Variants in SMPD3 observed in about 807,000 individuals in gnomAD.
SMPD3 encodes the protein sphingomyelin phosphodiesterase 3, also known as nSMase-2.
Under a neutral mutation model 55.7 loss-of-function variants are expected in SMPD3, and 21 were observed. That is an observed-to-expected ratio of 0.38 (90% CI 0.27 to 0.54). The LOEUF is 0.54. Ranked by LOEUF, SMPD3 falls within the 20% of genes least tolerant of loss-of-function variation. The probability of loss-of-function intolerance (pLI) is 0.80; values close to 1 mark genes in which losing one functional copy is unlikely to be tolerated. For missense variants in SMPD3, 842 were observed against 899.6 expected, an observed-to-expected ratio of 0.94 and a Z score of 0.82; for synonymous variants, 457 against 404.3, an observed-to-expected ratio of 1.13 and a Z score of -1.56.
intron 1 of SMPD3, among the ~76,000 whole-genome samples, chr16:68,441,061 T>C (rs574669502): frequency 1.3e-5 from 2 of 152,376 alleles, no homozygotes; most frequent in East Asian, 3.9e-4. Flanking sequence ...GCTTGATTTA[T>C]CTGAAAATTG....
intron 2 of SMPD3, among the ~76,000 whole-genome samples, chr16:68,372,740 C>A (rs1181959359): frequency 6.6e-6 from 1 of 152,194 alleles, no homozygotes; most frequent in Non-Finnish European, 1.5e-5. Context: ...ATGCCTGGGC[C>A]CACCCTGACC....
In SMPD3 at chr16:68,386,648, G is replaced by T. The variant is rs1010443378; in HGVS notation, c.-257C>A. On this transcript the variant is annotated 5_prime_UTR_variant, in exon 2 of 9. Transcript: ENST00000219334. Reference sequence around the variant, plus strand: ...TTGTCCTTCTCTCTGAAGAAGAGCTGTCACCGCAGACCTGAAAGGAGATGA... The same window carrying T: ...TTGTCCTTCTCTCTGAAGAAGAGCTTTCACCGCAGACCTGAAAGGAGATGA... The T allele has an allele frequency of 6.6e-6, 1 of 151,412 alleles. No homozygotes were observed. The highest frequency in any genetic ancestry group is 2.4e-5 in the African/African-American group (1 of 41,172). 9.4% of individuals were successfully genotyped at this position (151,412 alleles called of 1,614,324 possible).
At position 68,364,644 on chromosome 16, in the gene SMPD3, C is replaced by G. The variant is rs992281954; in HGVS notation, c.1555+107G>C. On this transcript the variant is annotated intron_variant, in intron 5 of 8. Coordinates refer to ENST00000219334, the MANE Select transcript of SMPD3 (RefSeq NM_018667.4). ...GCTAAATACCCCGCCCACATGCTCT[C>G]GAGGAGCAGGAATTCTTTGAGCTGC... The G allele has an allele frequency of 1.2e-5, 16 of 1,292,038 alleles. No individual in the cohort carries two copies. In the African/African-American group the frequency reaches 1.9e-4, roughly 16 times the overall value. The allele number at this position is 1,292,038 out of a possible 1,614,324, so 80.0% of individuals were successfully genotyped here.
intron 1 of SMPD3, among the ~76,000 whole-genome samples, chr16:68,410,653 T>C (rs2090292044): frequency 6.6e-6 from 1 of 152,254 alleles, no homozygotes; most frequent in South Asian, 2.1e-4. Flanking sequence ...AGAGTTTGAC[T>C]GAGAGTCATT....
chr16:68,421,657 G>A (rs1459033363), intron 1 of SMPD3, among the ~76,000 whole-genome samples: 1 of 152,196 alleles, frequency 6.6e-6, no homozygotes, highest in Non-Finnish European at 1.5e-5. Context: ...GACTTGGCTA[G>A]GGAATGAGGC....
chr16:68,418,720 C>T (rs1420447094), intron 1 of SMPD3, among the ~76,000 whole-genome samples: 3 of 152,216 alleles, frequency 2.0e-5, no homozygotes, highest in Non-Finnish European at 4.4e-5. Flanking sequence ...ATGCCCATTT[C>T]AAAGGGGAGG....
chr16:68,367,196 G>C (rs1035673674), intron 3 of SMPD3: 1 of 152,194 alleles, frequency 6.6e-6, no homozygotes, highest in Non-Finnish European at 1.5e-5. Flanking sequence ...ACACGGGGGC[G>C]CCGTCTTCAG....
intron 4 of SMPD3, 36 bp from the exon 5 acceptor site, chr16:68,364,942 T>G (rs764394393): frequency 6.2e-7 from 1 of 1,612,874 alleles, no homozygotes; most frequent in East Asian, 2.2e-5. Flanking sequence ...GATGATGAAG[T>G]TCGCCCCAGA....
At chr16:68,366,872 G>A (rs2089494168) in intron 3 of SMPD3, among the ~76,000 whole-genome samples, 1 of 152,184 alleles carries the variant, frequency 6.6e-6, no homozygotes, top group African/African-American at 2.4e-5. Context: ...GCCGGGCGTG[G>A]TGGTATGTGC....
chr16:68,378,400 T>C (rs919698108), intron 2 of SMPD3, among the ~76,000 whole-genome samples: 11 of 152,156 alleles, frequency 7.2e-5, no homozygotes, highest in Non-Finnish European at 7.3e-5. Context: ...TCCACGCTAA[T>C]TCCCGAAAGC....
intron 1 of SMPD3, among the ~76,000 whole-genome samples, chr16:68,396,492 C>G (rs1450605085): frequency 1.3e-5 from 2 of 152,198 alleles, no homozygotes; most frequent in Admixed American, 1.3e-4. Flanking sequence ...TCTGGAACAC[C>G]CTGGTGGTCC....
At position 68,396,545 on chromosome 16, in the gene SMPD3, C is replaced by G. The variant is rs185181017; in HGVS notation, c.-268-9886G>C. Among the ~76,000 whole-genome samples, 249 of 152,318 alleles carry G rather than the reference C, an allele frequency of 1.6e-3. 2 individuals carry two copies. Among genetic ancestry groups the G allele is most frequent in the African/African-American group, 5.7e-3 (236 of 41,574 alleles). On this transcript the variant is annotated intron_variant, in intron 1 of 8. Transcript: ENST00000219334. The stretch of plus-strand genomic sequence containing the variant: ...CAAGGCTCAGCTCTAAAGCTTCCAA[C>G]CCCCTCCCCTCAGTCTCACACCCTG...
Position 68,447,592 on chromosome 16 carries a change from C to T in SMPD3, c.-269+761G>A, listed in dbSNP as rs1351967325. ...GGCCACCCAACCCTCGGCGCGGGCC[C>T]GAGCGCGGGGGATTCCGAGTGTCAG... On this transcript the variant is annotated intron_variant, in intron 1 of 8. Transcript: ENST00000219334. This position sits in a 1 kb window ranked among gnomAD's most constrained non-coding sequence, Gnocchi z 5.1. 2.0e-5 allele frequency among the ~76,000 whole-genome samples: 3 copies of T among 152,060 alleles called. No homozygotes were observed. Among genetic ancestry groups the T allele is most frequent in the East Asian group, 1.9e-4 (1 of 5,160 alleles).
chr16:68,410,827 G>A (rs1046497164), intron 1 of SMPD3, among the ~76,000 whole-genome samples: 1 of 152,226 alleles, frequency 6.6e-6, no homozygotes, highest in Non-Finnish European at 1.5e-5. Flanking sequence ...GTAAAATAAA[G>A]AGTAACAGGA....
At position 68,363,483 on chromosome 16, in the gene SMPD3, G is replaced by A. The variant is rs754597938; in HGVS notation, c.1709+13C>T. ...GGTGTGCCTCGTCCCTGGCCTGGGA[G>A]CGCAGTGCTTACTTCTGCAGGTTGT... On this transcript the variant is annotated intron_variant, in intron 7 of 8. Transcript: ENST00000219334. 4.1e-5 allele frequency: 66 copies of A among 1,613,836 alleles called. No homozygotes were observed. The highest frequency in any genetic ancestry group is 5.2e-5 in the Non-Finnish European group (61 of 1,179,886).
At chr16:68,414,528 A>C (rs2090324945) in intron 1 of SMPD3, among the ~76,000 whole-genome samples, 1 of 152,152 alleles carries the variant, frequency 6.6e-6, no homozygotes, top group Non-Finnish European at 1.5e-5. Flanking sequence ...TGGCAGTCAG[A>C]TTTCCTGGTG....
At position 68,426,405 on chromosome 16, in the gene SMPD3, C is replaced by A. The variant is rs532308386; in HGVS notation, c.-269+21948G>T. ...AGCTGGCTCACCCTGGTCACACTGACAACCAGTTCATGACCATGTCAAGAA... is the reference window on the plus strand; with the variant it reads ...AGCTGGCTCACCCTGGTCACACTGAAAACCAGTTCATGACCATGTCAAGAA... On this transcript the variant is annotated intron_variant, in intron 1 of 8. Coordinates refer to ENST00000219334, the MANE Select transcript of SMPD3 (RefSeq NM_018667.4). 2.6e-5 allele frequency among the ~76,000 whole-genome samples: 4 copies of A among 152,278 alleles called. No individual in the cohort carries two copies. In the South Asian group the frequency reaches 8.3e-4, roughly 32 times the overall value.
chr16:68,413,345 T>C (rs74024646), intron 1 of SMPD3, among the ~76,000 whole-genome samples: 2,061 of 152,320 alleles, frequency 0.014, 46 homozygotes, highest in African/African-American at 0.047. Flanking sequence ...TGTGAAGCCT[T>C]GCAGCTGGAA....
intron 1 of SMPD3, among the ~76,000 whole-genome samples, chr16:68,414,592 ATGTCC>A (rs1188095700): frequency 6.6e-6 from 1 of 152,242 alleles, no homozygotes; most frequent in East Asian, 1.9e-4. Context: ...GCCAGTCTTC[ATGTCC>A]TGGTTTGTGT....
Sources: allele counts gnomAD v4.1 joint callset (sites outside exome capture counted in the v4.1 genomes callset), GRCh38; gene constraint gnomAD v4.1.1; non-coding constraint Gnocchi (gnomAD v3.1); transcripts MANE v1.5; gene names NCBI Gene and HGNC (gene_info 2026-07-23, HGNC 2026-07-21).